Variants in UBFD1 observed in about 807,000 individuals in gnomAD.
UBFD1 encodes ubiquitin domain-containing protein UBFD1.
A neutral mutation model predicts 35.1 loss-of-function variants in UBFD1; 12 were observed. The observed-to-expected ratio is 0.34, with a 90% CI of 0.22 to 0.55. The LOEUF is 0.55. Among genes scored for constraint, UBFD1 ranks in the 20% least tolerant of loss-of-function variants. The pLI, the probability that UBFD1 is intolerant of heterozygous loss-of-function variation, is 0.89. For missense variants in UBFD1, 337 were observed against 410.8 expected (o/e 0.82, Z 1.55); for synonymous variants, 178 against 167.6 (o/e 1.06, Z -0.48).
Position 23,574,217 on chromosome 16 carries a change from G to A in UBFD1, c.*3627G>A, listed in dbSNP as rs1449207482. 1.3e-5 allele frequency: 2 copies of A among 152,454 alleles called. No homozygotes were observed. Among genetic ancestry groups the A allele is most frequent in the East Asian group, 1.9e-4 (1 of 5,196 alleles). 9.4% of individuals were successfully genotyped at this position (152,454 alleles called of 1,614,324 possible). A position where few individuals can be genotyped will look rare whatever the true frequency, so the allele number is the denominator to read the frequency against. The stretch of plus-strand genomic sequence containing the variant: ...TGTAAGTACCATGTTTCCTTGTGGT[G>A]TATGCTCTGTTCTGGTTTCTGTTTT... On this transcript the variant is annotated 3_prime_UTR_variant, in exon 7 of 7. Coordinates refer to ENST00000395878, the MANE Select transcript of UBFD1 (RefSeq NM_019116.3).
At chr16:23,568,577 T>G (rs990831054) in intron 6 of UBFD1, 1 of 151,328 alleles carries the variant, frequency 6.6e-6, no homozygotes, top group Non-Finnish European at 1.5e-5. Flanking sequence ...TCCCAGCACT[T>G]TGGGAGGCTG....
At chr16:23,563,556 G>A (rs981242995) in intron 5 of UBFD1, among the ~76,000 whole-genome samples, 3 of 152,164 alleles carry the variant, frequency 2.0e-5, no homozygotes, top group African/African-American at 4.8e-5. Context: ...TGTTCAAAGC[G>A]AGTTACCCTG....
chr16:23,567,291 T>G (rs1247052305), intron 6 of UBFD1, among the ~76,000 whole-genome samples: 1 of 152,234 alleles, frequency 6.6e-6, no homozygotes, highest in Admixed American at 6.5e-5. Context: ...TCCATCAGTT[T>G]AAAGGGGATA....
chr16:23,568,052 C>T (rs1966034463), intron 6 of UBFD1, among the ~76,000 whole-genome samples: 1 of 152,162 alleles, frequency 6.6e-6, no homozygotes, highest in African/African-American at 2.4e-5. Flanking sequence ...TGTAGCAAGG[C>T]TGTAGCTGGG....
intron 4 of UBFD1, 87 bp from the exon 5 acceptor site, chr16:23,562,538 G>T: frequency 1.6e-6 from 2 of 1,264,280 alleles, no homozygotes; most frequent in Non-Finnish European, 2.2e-6. Context: ...AGTGTGCTGG[G>T]ATTACAGGCG....
Position 23,562,015 on chromosome 16 carries a change from G to A in UBFD1, c.565-191G>A, listed in dbSNP as rs114404188. 456 of 568,170 alleles carry A rather than the reference G, an allele frequency of 8.0e-4. 1 individual carries two copies. In the African/African-American group the frequency reaches 8.1e-3, roughly 10 times the overall value. 35.2% of individuals were successfully genotyped at this position (568,170 alleles called of 1,614,324 possible). On this transcript the variant is annotated intron_variant, in intron 3 of 6. Coordinates refer to ENST00000395878, the MANE Select transcript of UBFD1 (RefSeq NM_019116.3). ...AGTAGGTAGTGGCTAGCACAGGTAC[G>A]AACATATTCGCCCTCCCAGAAAGTT...
intron 2 of UBFD1, 98 bp from the exon 3 acceptor site, chr16:23,559,370 G>A: frequency 9.9e-7 from 1 of 1,005,406 alleles, no homozygotes; most frequent in Non-Finnish European, 1.5e-6. Flanking sequence ...GGTGGAGGCA[G>A]TATTCACTTT....
intron 2 of UBFD1, 37 bp downstream of exon 2, chr16:23,558,316 C>A (rs769996685): frequency 6.3e-7 from 1 of 1,592,360 alleles, no homozygotes; most frequent in South Asian, 1.1e-5. Flanking sequence ...TCTTCCCCAC[C>A]CCGCCTCCTG....
Position 23,557,856 on chromosome 16 carries a change from C to T in UBFD1, c.25+89C>T, listed in dbSNP as rs1462386960. On this transcript the variant is annotated intron_variant, in intron 1 of 6. Transcript: ENST00000395878. ...ATGCGGCCCGGCCCGGGAGGGAGAA[C>T]CGCGGCTCGGGAACGGAGGTCCGGC... 4 of 1,274,254 alleles carry T rather than the reference C, an allele frequency of 3.1e-6. No homozygotes were observed. The Admixed American group carries it at 1.7e-4, about 54-fold the overall frequency. 78.9% of individuals were successfully genotyped at this position (1,274,254 alleles called of 1,614,324 possible).
chr16:23,566,662 G>A (rs545942382), intron 5 of UBFD1: 8 of 202,184 alleles, frequency 4.0e-5, no homozygotes, highest in South Asian at 2.1e-4. Context: ...TTGAGCCACC[G>A]CGCCTGGCCT....
intron 6 of UBFD1, chr16:23,569,061 A>G (rs1019860476): frequency 2.6e-5 from 4 of 152,022 alleles, no homozygotes; most frequent in Non-Finnish European, 5.9e-5. Flanking sequence ...TGAAATGTTC[A>G]TTTCTCTCGA....
chr16:23,560,195 C>T (rs902136141), intron 3 of UBFD1, among the ~76,000 whole-genome samples: 5 of 152,052 alleles, frequency 3.3e-5, no homozygotes, highest in Non-Finnish European at 5.9e-5. Flanking sequence ...TTTTTTTGTC[C>T]TGATCTGTGA....
intron 6 of UBFD1, 24 bp downstream of exon 6, chr16:23,567,093 G>C (rs1432656582): frequency 3.7e-6 from 6 of 1,610,514 alleles, no homozygotes; most frequent in Non-Finnish European, 4.2e-6. Flanking sequence ...GCTGAGTTCA[G>C]CCCCTCTCAC....
chr16:23,562,505 T>C (rs1354414229), intron 4 of UBFD1, 120 bp from the exon 5 acceptor site: 3 of 917,550 alleles, frequency 3.3e-6, no homozygotes, highest in Non-Finnish European at 3.3e-6. Context: ...TGACCTCAGG[T>C]GATCTGACCG....
intron 6 of UBFD1, 33 bp downstream of exon 6, chr16:23,567,102 A>ACGT: frequency 6.3e-7 from 1 of 1,593,102 alleles, no homozygotes; most frequent in South Asian, 1.1e-5. Context: ...AGCCCCTCTC[A>ACGT]CTAGACTCCC....
intron 4 of UBFD1, 34 bp from the exon 5 acceptor site, chr16:23,562,591 C>G (rs374608161): frequency 4.4e-6 from 7 of 1,594,536 alleles, no homozygotes; most frequent in African/African-American, 4.0e-5. Flanking sequence ...TTCTGACTGT[C>G]CCTCCATCTC....
chr16:23,562,460 G>T (rs1470847504), intron 4 of UBFD1, among the ~76,000 whole-genome samples, 165 bp from the exon 5 acceptor site: 2 of 152,004 alleles, frequency 1.3e-5, no homozygotes, highest in Non-Finnish European at 2.9e-5. Context: ...TAGAGACGGG[G>T]TTTTACCATG....
intron 4 of UBFD1, 126 bp from the exon 5 acceptor site, chr16:23,562,499 C>T (rs1965951245): frequency 2.3e-6 from 2 of 883,360 alleles, no homozygotes; most frequent in Non-Finnish European, 3.5e-6. Flanking sequence ...AACTCCTGAC[C>T]TCAGGTGATC....
intron 3 of UBFD1, among the ~76,000 whole-genome samples, chr16:23,560,246 G>C (rs955537887): frequency 5.9e-5 from 9 of 152,202 alleles, no homozygotes; most frequent in South Asian, 2.1e-4. Flanking sequence ...TCTTTTGGCT[G>C]CAAGAGATCC....
Sources: allele counts gnomAD v4.1 joint callset (sites outside exome capture counted in the v4.1 genomes callset), GRCh38; gene constraint gnomAD v4.1.1; transcripts MANE v1.5; gene names NCBI Gene and HGNC (gene_info 2026-07-23, HGNC 2026-07-21).